The following ABCA7 variants were observed in gnomAD, a reference collection of about 807,000 sequenced individuals.
ABCA7 encodes the protein phospholipid-transporting ATPase ABCA7.
A neutral mutation model predicts 227.6 loss-of-function variants in ABCA7; 261 were observed. The ratio of observed to expected loss-of-function variants is 1.15; its 90% confidence interval spans 1.04 to 1.27. The LOEUF is 1.27. Ranked by LOEUF, ABCA7 falls within the 50% of genes most tolerant of loss-of-function variation. The probability of loss-of-function intolerance (pLI) is 0.00; values close to 1 mark genes in which losing one functional copy is unlikely to be tolerated. For synonymous variants in ABCA7, 1,488 were observed against 1,279.7 expected (o/e 1.16, Z -3.47); for missense variants, 3,331 against 2,924.5 (o/e 1.14, Z -3.21).
intron 45 of ABCA7, chr19:1,064,582 G>A (rs1568433412): frequency 2.0e-6 from 1 of 490,410 alleles, no homozygotes; most frequent in Non-Finnish European, 3.6e-6. Flanking sequence ...CGGGGCCATA[G>A]GAAAGTGGGG....
chr19:1,059,248 ATTAT>A (rs3971801), intron 40 of ABCA7, 163 bp downstream of exon 40: 159 of 178,560 alleles, frequency 8.9e-4, no homozygotes, highest in Middle Eastern at 2.7e-3. Context: ...TTATTATATT[ATTAT>A]TTATTTATTT....
At chr19:1,050,664 C>T (rs1488279618) in intron 18 of ABCA7, among the ~76,000 whole-genome samples, 1 of 150,364 alleles carries the variant, frequency 6.7e-6, no homozygotes, top group Non-Finnish European at 1.5e-5. Context: ...CCTGTAGTCC[C>T]AGCTACTCGG....
In ABCA7 at chr19:1,042,401, G is replaced by C. The variant is rs368818815; in HGVS notation, c.498+4G>C. The stretch of plus-strand genomic sequence containing the variant: ...GCTGACGTCACTGCTGCGCACGGTA[G>C]GGTGTCGGGGCGGGACCGCGCTGAC... On this transcript the variant is annotated splice_donor_region_variant and intron_variant, in intron 6 of 46. Coordinates refer to ENST00000263094, the MANE Select transcript of ABCA7 (RefSeq NM_019112.4). 9 of 1,610,350 alleles carry C rather than the reference G, an allele frequency of 5.6e-6. No homozygotes were observed. In the African/African-American group the frequency reaches 1.1e-4, roughly 19 times the overall value.
rs759293543 is a variant in ABCA7 at position 1,062,171 on chromosome 19, G to C, written c.5571-1G>C. 1.2e-6 allele frequency: 2 copies of C among 1,611,578 alleles called. No homozygotes were observed. Among genetic ancestry groups the C allele is most frequent in the South Asian group, 2.2e-5 (2 of 91,060 alleles). On this transcript the variant is annotated splice_acceptor_variant, in intron 41 of 46. Coordinates refer to ENST00000263094, the MANE Select transcript of ABCA7 (RefSeq NM_019112.4). LOFTEE classifies it high-confidence loss of function. ...TGAGCCCCCGGCGCCCCCATCCCCAGCGTGGCCCGGGAACCCAGTGCTGCG... is the reference window on the plus strand; with the variant it reads ...TGAGCCCCCGGCGCCCCCATCCCCACCGTGGCCCGGGAACCCAGTGCTGCG...
At chr19:1,056,000 C>G in intron 31 of ABCA7, 61 bp downstream of exon 31, 1 of 1,547,996 alleles carries the variant, frequency 6.5e-7, no homozygotes. Context: ...CCTCTGCCTG[C>G]CCCCTGGGAG....
chr19:1,063,683 G>T lies in ABCA7; in HGVS notation c.5847+5G>T, dbSNP rs752538542. The T allele has an allele frequency of 1.0e-5, 16 of 1,585,994 alleles. No individual in the cohort carries two copies. Among genetic ancestry groups the T allele is most frequent in the Non-Finnish European group, 3.4e-6 (4 of 1,167,738 alleles). On this transcript the variant is annotated splice_donor_5th_base_variant and intron_variant, in intron 43 of 46. Coordinates refer to ENST00000263094, the MANE Select transcript of ABCA7 (RefSeq NM_019112.4). ...GACCCAGCCGTGGTGTTTCTGGTGC[G>T]TGGGAGCGGTGCCTGGGTGGGGTGG...
chr19:1,063,820 G>A lies in ABCA7; in HGVS notation c.5908G>A (p.Ala1970Thr). ...ARRFLWNSLL[A>T]VVREGRSVML... ...GCGCTTCCTTTGGAACAGCCTTTTG[G>A]CCGTGGTGCGGGAGGGCCGTTCAGT... Residue 1970 changes from alanine to threonine, a missense_variant, in exon 44 of 47, where the codon GCC becomes ACC. Transcript: ENST00000263094. The A allele has an allele frequency of 6.5e-7, 1 of 1,544,512 alleles. No individual in the cohort carries two copies. Among genetic ancestry groups the A allele is most frequent in the Non-Finnish European group, 8.7e-7 (1 of 1,145,324 alleles).
intron 16 of ABCA7, among the ~76,000 whole-genome samples, chr19:1,048,499 AAAAAAAAAAAC>A (rs1413022790): frequency 8.9e-6 from 1 of 111,920 alleles, no homozygotes; most frequent in Non-Finnish European, 1.9e-5. Context: ...TCAGTCTCAA[AAAAAAAAAAAC>A]AAAAAAAAAA....
At position 1,045,175 on chromosome 19, in the gene ABCA7, C is replaced by T. The variant is rs775801527; in HGVS notation, c.1389C>T (p.Arg463=). Residue 463 remains arginine, a synonymous_variant, in exon 12 of 47, where the codon CGC becomes CGT. Coordinates refer to ENST00000263094, the MANE Select transcript of ABCA7 (RefSeq NM_019112.4). ...PTPDLGPGHV[R]IKIRMDIDVV... ...CAGACCTGGGCCCCGGCCACGTGCG[C>T]ATCAAAATCCGCATGGACATTGACG... The T allele has an allele frequency of 1.0e-5, 16 of 1,597,168 alleles. No homozygotes were observed. The highest frequency in any genetic ancestry group is 4.0e-5 in the African/African-American group (3 of 74,502).
In ABCA7 at chr19:1,065,097, T is replaced by G. The variant is rs775060264; in HGVS notation, c.6211T>G (p.Phe2071Val). The change falls in exon 46 of 47, where the codon TTT becomes GTT. Residue 2071 changes from phenylalanine to valine, a missense_variant. Phe to Val is a conservative substitution (Grantham distance 50). Coordinates refer to ENST00000263094, the MANE Select transcript of ABCA7 (RefSeq NM_019112.4). ...PGGRCALARV[F>V]GELAVHGAEH... ...AGGGCGCTGCGCCCTGGCGCGCGTC[T>G]TTGGAGAGCTGGCGGTGCACGGCGC... 3 of 1,581,340 alleles carry G rather than the reference T, an allele frequency of 1.9e-6. No homozygotes were observed. The highest frequency in any genetic ancestry group is 2.6e-6 in the Non-Finnish European group (3 of 1,164,504).
chr19:1,046,758 C>G (rs1373364174), intron 13 of ABCA7, 44 bp from the exon 14 acceptor site: 1 of 1,504,840 alleles, frequency 6.6e-7, no homozygotes, highest in Non-Finnish European at 8.9e-7. Context: ...GAGGGGGGGT[C>G]TGCGGAGGGT....
At position 1,042,075 on chromosome 19, in the gene ABCA7, T is replaced by A. The variant is rs368255900; in HGVS notation, c.314T>A (p.Leu105Gln). The A allele has an allele frequency of 6.3e-7, 1 of 1,594,132 alleles. No individual in the cohort carries two copies. Among genetic ancestry groups the A allele is most frequent in the Non-Finnish European group, 8.5e-7 (1 of 1,176,916 alleles). ...CTCTCTGTCCCCAGGGTCTCCCGGC[T>A]GCTAGCCGATGCCCGCACTGTGCTG... The part of the protein sequence containing the change: ...SNFNDSLVSR[L>Q]LADARTVLGG... Residue 105 changes from leucine (L) to glutamine (Q), a missense_variant, in exon 5 of 47, where the codon CTG (leucine) becomes CAG (glutamine). Transcript: ENST00000263094.
chr19:1,062,042 C>T, intron 41 of ABCA7, 130 bp from the exon 42 acceptor site: 1 of 1,478,222 alleles, frequency 6.8e-7, no homozygotes, highest in Non-Finnish European at 9.1e-7. Context: ...CACACGCGGA[C>T]CAGGCCCTGA....
intron 35 of ABCA7, 53 bp downstream of exon 35, chr19:1,057,482 C>A: frequency 6.7e-7 from 1 of 1,496,094 alleles, no homozygotes; most frequent in Non-Finnish European, 9.3e-7. Context: ...TACTGCCTTC[C>A]ACATTAATGC....
Position 1,047,286 on chromosome 19 carries a change from T to A in ABCA7, c.1975T>A (p.Cys659Ser), listed in dbSNP as rs746528048. ...FFSRANLAAA[C>S]GGLAYFSLYL... ...CTCCCGCGCCAACCTGGCTGCGGCC[T>A]GCGGCGGCCTGGCCTACTTCTCCCT... The change falls in exon 15 of 47, where the codon TGC (cysteine) becomes AGC (serine). Residue 659 changes from cysteine (C) to serine (S), a missense_variant. Cys to Ser is a moderately radical substitution (Grantham distance 112). Coordinates refer to ENST00000263094, the MANE Select transcript of ABCA7 (RefSeq NM_019112.4). 6.2e-7 allele frequency: 1 copy of A among 1,605,270 alleles called. No homozygotes were observed. Among genetic ancestry groups the A allele is most frequent in the South Asian group, 1.1e-5 (1 of 90,786 alleles).
At position 1,051,187 on chromosome 19, in the gene ABCA7, G is replaced by C. The variant is rs746993163; in HGVS notation, c.2717G>C (p.Gly906Ala). ...GTGGACGAGCACGTCTGGTTCTATG[G>C]GCGGCTGAAGGGTCTGAGTGCCGCT... ...LTVDEHVWFY[G>A]RLKGLSAAVV... The change falls in exon 20 of 47, where the codon GGG becomes GCG. Residue 906 changes from glycine (G) to alanine (A), a missense_variant. Gly to Ala is a moderately conservative substitution (Grantham distance 60). Transcript: ENST00000263094. 6.2e-7 allele frequency: 1 copy of C among 1,611,184 alleles called. No individual in the cohort carries two copies. The highest frequency in any genetic ancestry group is 1.1e-5 in the South Asian group (1 of 91,058).
At chr19:1,041,122 A>G in intron 1 of ABCA7, 103 bp from the exon 2 acceptor site, 1 of 591,090 alleles carries the variant, frequency 1.7e-6, no homozygotes, top group South Asian at 2.0e-5. Context: ...GCAGCCAATC[A>G]GATGCGAGGA....
At chr19:1,046,702 G>A in intron 13 of ABCA7, 100 bp from the exon 14 acceptor site, 4 of 1,302,486 alleles carry the variant, frequency 3.1e-6, no homozygotes, top group Non-Finnish European at 3.2e-6. Context: ...AAATCTTCCC[G>A]CCTTGAGATC....
chr19:1,053,674 A>C, intron 24 of ABCA7, 114 bp from the exon 25 acceptor site: 1 of 1,525,848 alleles, frequency 6.6e-7, no homozygotes, highest in Non-Finnish European at 8.9e-7. Flanking sequence ...CTGGTGGCTC[A>C]GATGTCCCTT....
Sources: gnomAD v4.1 joint callset for allele counts (sites outside exome capture counted in the v4.1 genomes callset) on GRCh38, gnomAD v4.1.1 for gene constraint, MANE v1.5 for transcripts, NCBI Gene and HGNC (gene_info 2026-07-23, HGNC 2026-07-21) for gene names.